Variants in FGF9 observed in about 807,000 individuals in gnomAD.
The protein encoded by FGF9 is fibroblast growth factor 9, also known as fibroblast growth factor 9 (glia-activating factor).
In FGF9, 3 loss-of-function variants were observed where a neutral mutation model predicts 19.9. The observed-to-expected ratio is 0.15, with a 90% CI of 0.07 to 0.39. The LOEUF is 0.39. Among genes scored for constraint, FGF9 ranks in the 10% least tolerant of loss-of-function variants. The probability of loss-of-function intolerance (pLI) is 1.00; values close to 1 mark genes in which losing one functional copy is unlikely to be tolerated. For synonymous variants in FGF9, 107 were observed against 106.9 expected, an observed-to-expected ratio of 1.00 and a Z score of -0.01; for missense variants, 175 against 256.8, an observed-to-expected ratio of 0.68 and a Z score of 2.18.
intron 1 of FGF9, among the ~76,000 whole-genome samples, chr13:21,674,699 C>G (rs1871863900): frequency 1.3e-5 from 2 of 151,536 alleles, no homozygotes; most frequent in African/African-American, 4.9e-5. Flanking sequence ...CCCCTTCCCT[C>G]CATGAGCATT....
chr13:21,687,401 T>A (rs1872186271), intron 2 of FGF9, among the ~76,000 whole-genome samples: 1 of 152,242 alleles, frequency 6.6e-6, no homozygotes, highest in Non-Finnish European at 1.5e-5. Context: ...TTAAACTAGA[T>A]AACTAGATAT....
chr13:21,678,300 C>T (rs1871960788), intron 1 of FGF9, among the ~76,000 whole-genome samples: 1 of 152,112 alleles, frequency 6.6e-6, no homozygotes, highest in African/African-American at 2.4e-5. Context: ...ACAGAAATCA[C>T]AGAAACATTA....
chr13:21,674,022 C>G (rs921553932), intron 1 of FGF9: 1 of 152,456 alleles, frequency 6.6e-6, no homozygotes, highest in East Asian at 1.9e-4. Flanking sequence ...CACTTCTGGC[C>G]GCGTTTAGGG....
chr13:21,687,813 C>T (rs553173593), intron 2 of FGF9, among the ~76,000 whole-genome samples: 9 of 152,284 alleles, frequency 5.9e-5, no homozygotes, highest in Admixed American at 5.9e-4. Context: ...TAATTTTAAA[C>T]CCCAGTCCAT....
At chr13:21,683,307 A>C (rs1017397217) in intron 2 of FGF9, among the ~76,000 whole-genome samples, 1 of 152,198 alleles carries the variant, frequency 6.6e-6, no homozygotes, top group Non-Finnish European at 1.5e-5. Flanking sequence ...CCTGCCTGGC[A>C]CACCCCAGTT....
chr13:21,688,219 G>T (rs546331907), intron 2 of FGF9, among the ~76,000 whole-genome samples: 1 of 152,316 alleles, frequency 6.6e-6, no homozygotes, highest in East Asian at 1.9e-4. Context: ...CACTGTAGTG[G>T]TTCAGTTCCG....
chr13:21,683,347 G>A (rs114939045), intron 2 of FGF9, among the ~76,000 whole-genome samples: 2,211 of 152,356 alleles, frequency 0.015, 60 homozygotes, highest in African/African-American at 0.05. Flanking sequence ...CAGCATGAGA[G>A]GGACATTGAG....
intron 1 of FGF9, among the ~76,000 whole-genome samples, chr13:21,673,093 ACG>A (rs1442731854): frequency 1.3e-5 from 2 of 152,174 alleles, no homozygotes; most frequent in East Asian, 3.9e-4. Flanking sequence ...CCTGAGCCCA[ACG>A]GCACGAAGTC....
intron 1 of FGF9, among the ~76,000 whole-genome samples, chr13:21,675,702 G>T (rs1871899726): frequency 1.3e-5 from 2 of 152,166 alleles, no homozygotes; most frequent in Admixed American, 6.5e-5. Flanking sequence ...TTTACACCTT[G>T]ATTAAAATAG....
intron 2 of FGF9, among the ~76,000 whole-genome samples, chr13:21,683,499 C>T (rs1308480252): frequency 1.3e-5 from 2 of 152,202 alleles, no homozygotes; most frequent in Non-Finnish European, 2.9e-5. Flanking sequence ...TCACCTTGGG[C>T]TTTTTGAGCA....
intron 2 of FGF9, among the ~76,000 whole-genome samples, chr13:21,700,143 A>G (rs1872508757): frequency 6.6e-6 from 1 of 152,190 alleles, no homozygotes; most frequent in East Asian, 1.9e-4. Flanking sequence ...GCTCGAGTAG[A>G]GAGGAAGTGT....
At chr13:21,699,100 C>G (rs1872481404) in intron 2 of FGF9, among the ~76,000 whole-genome samples, 2 of 152,148 alleles carry the variant, frequency 1.3e-5, no homozygotes, top group Non-Finnish European at 2.9e-5. Flanking sequence ...CCCAATCTCC[C>G]CAGCTAAGGA....
In FGF9 at chr13:21,704,470, G is replaced by A. The variant is rs960144429; in HGVS notation, c.*3035G>A. On this transcript the variant is annotated 3_prime_UTR_variant, in exon 3 of 3. Coordinates refer to ENST00000382353, the MANE Select transcript of FGF9 (RefSeq NM_002010.3). ...ATACATACAGGATTATGTAATTTGT[G>A]TAAATACATAATTACAGAGTTTTGA... is the stretch of plus-strand genomic sequence containing the variant. The A allele has an allele frequency of 2.0e-5, 3 of 152,170 alleles. No homozygotes were observed. Among genetic ancestry groups the A allele is most frequent in the Non-Finnish European group, 4.4e-5 (3 of 68,040 alleles). The allele number at this position is 152,170 out of a possible 1,614,324, so 9.4% of individuals were successfully genotyped here. A position where few individuals can be genotyped will look rare whatever the true frequency, so the allele number is the denominator to read the frequency against.
intron 1 of FGF9, among the ~76,000 whole-genome samples, chr13:21,677,176 C>G (rs1366861859): frequency 6.6e-6 from 1 of 152,162 alleles, no homozygotes. Flanking sequence ...TATCACTACC[C>G]ATTACTGTGG....
At chr13:21,697,932 C>T (rs927097210) in intron 2 of FGF9, among the ~76,000 whole-genome samples, 3 of 151,920 alleles carry the variant, frequency 2.0e-5, no homozygotes, top group African/African-American at 7.3e-5. Flanking sequence ...CTCAGCCTCC[C>T]GAGTAGCTGG....
intron 2 of FGF9, among the ~76,000 whole-genome samples, chr13:21,687,476 C>T (rs1047057003): frequency 5.3e-5 from 8 of 152,176 alleles, no homozygotes; most frequent in Admixed American, 6.5e-5. Flanking sequence ...TCAAGTTAAA[C>T]GGCAAGATCA....
At chr13:21,686,912 C>T (rs1872176411) in intron 2 of FGF9, among the ~76,000 whole-genome samples, 1 of 152,204 alleles carries the variant, frequency 6.6e-6, no homozygotes, top group Admixed American at 6.5e-5. Flanking sequence ...GTGACTTGCT[C>T]AAAGGCCCAA....
chr13:21,681,984 G>A (rs944054243), intron 2 of FGF9, among the ~76,000 whole-genome samples: 30 of 151,024 alleles, frequency 2.0e-4, no homozygotes, highest in African/African-American at 7.1e-4. Context: ...AATCTGTAGC[G>A]TTTCTTTCTC....
intron 2 of FGF9, among the ~76,000 whole-genome samples, chr13:21,699,051 T>C (rs1041790556): frequency 6.6e-6 from 1 of 152,248 alleles, no homozygotes; most frequent in African/African-American, 2.4e-5. Context: ...CTTAAACTTC[T>C]ATCCGTTTCA....
Sources: allele counts gnomAD v4.1 joint callset (sites outside exome capture counted in the v4.1 genomes callset), GRCh38; gene constraint gnomAD v4.1.1; transcripts MANE v1.5; gene names NCBI Gene and HGNC (gene_info 2026-07-23, HGNC 2026-07-21).